Variants in SH3BGRL2 observed in about 807,000 individuals in gnomAD.
SH3BGRL2 encodes SH3 domain binding glutamate rich protein like 2.
In SH3BGRL2, 21 loss-of-function variants were observed where a neutral mutation model predicts 14.8. The ratio of observed to expected loss-of-function variants is 1.42; its 90% CI spans 1.01 to 2.05. The LOEUF (loss-of-function observed/expected upper bound fraction) is 2.05, where lower values mean the gene tolerates loss of function less well. SH3BGRL2 is among the 30% of genes most tolerant of loss of function. The probability of loss-of-function intolerance (pLI) is 0.00; values close to 1 mark genes in which losing one functional copy is unlikely to be tolerated. For missense variants in SH3BGRL2, 147 were observed against 130.8 expected (o/e 1.12, Z -0.61); for synonymous variants, 50 against 47.8 (o/e 1.05, Z -0.19).
the SH3BGRL2 span, among the ~76,000 whole-genome samples, chr6:79,569,131 T>C: frequency 6.6e-6 from 1 of 152,164 alleles, no homozygotes; most frequent in African/African-American, 2.4e-5. Flanking sequence ...TATACATTGG[T>C]TCTGTCCAGA....
chr6:79,548,260 G>T, the SH3BGRL2 span, among the ~76,000 whole-genome samples: 1 of 151,902 alleles, frequency 6.6e-6, no homozygotes, highest in African/African-American at 2.4e-5. Flanking sequence ...TTTATAGTAG[G>T]TTTATATTTC....
chr6:79,598,552 G>C, the SH3BGRL2 span, among the ~76,000 whole-genome samples: 18 of 152,218 alleles, frequency 1.2e-4, no homozygotes, highest in African/African-American at 3.6e-4. Flanking sequence ...AATGTCCACA[G>C]TAAGTAATCT....
At chr6:79,549,327 A>G in the SH3BGRL2 span, among the ~76,000 whole-genome samples, 1 of 152,232 alleles carries the variant, frequency 6.6e-6, no homozygotes, top group Non-Finnish European at 1.5e-5. Flanking sequence ...GAGAAATTCC[A>G]AGTTCAGAGG....
chr6:79,687,371 G>A (rs956688400), intron 2 of SH3BGRL2, among the ~76,000 whole-genome samples: 3 of 152,058 alleles, frequency 2.0e-5, no homozygotes, highest in Non-Finnish European at 4.4e-5. Flanking sequence ...ATTGGCTCTT[G>A]GGTAAGAGGG....
At chr6:79,604,622 C>G in the SH3BGRL2 span, among the ~76,000 whole-genome samples, 1 of 152,144 alleles carries the variant, frequency 6.6e-6, no homozygotes, top group Non-Finnish European at 1.5e-5. Context: ...CTTCAGGGCC[C>G]CAGTTGTGCA....
the SH3BGRL2 span, among the ~76,000 whole-genome samples, chr6:79,603,353 ATTGTTT>A: frequency 6.6e-6 from 1 of 152,138 alleles, no homozygotes; most frequent in Non-Finnish European, 1.5e-5. Context: ...TCAAGAGGCT[ATTGTTT>A]TTATTTGATT....
intron 2 of SH3BGRL2, among the ~76,000 whole-genome samples, chr6:79,687,120 A>G (rs2127737266): frequency 6.6e-6 from 1 of 152,222 alleles, no homozygotes; most frequent in Non-Finnish European, 1.5e-5. Flanking sequence ...GCCATTACAA[A>G]TGTACTTCTT....
chr6:79,572,341 C>T, the SH3BGRL2 span, among the ~76,000 whole-genome samples: 1 of 152,180 alleles, frequency 6.6e-6, no homozygotes, highest in African/African-American at 2.4e-5. Flanking sequence ...TATTTACAGT[C>T]TCACAAATAT....
chr6:79,623,626 A>T, the SH3BGRL2 span, among the ~76,000 whole-genome samples: 1 of 152,232 alleles, frequency 6.6e-6, no homozygotes, highest in Non-Finnish European at 1.5e-5. Flanking sequence ...AACTGAGGAA[A>T]AGAAGTGGTA....
At chr6:79,694,833 C>T (rs922395414) in intron 2 of SH3BGRL2, among the ~76,000 whole-genome samples, 2 of 152,170 alleles carry the variant, frequency 1.3e-5, no homozygotes, top group African/African-American at 2.4e-5. Context: ...GCCGTCAGCT[C>T]GGCTGCCACC....
intron 1 of SH3BGRL2, among the ~76,000 whole-genome samples, chr6:79,651,330 C>T (rs1769290075): frequency 6.6e-6 from 1 of 152,172 alleles, no homozygotes; most frequent in Non-Finnish European, 1.5e-5. Flanking sequence ...ATATAATTTT[C>T]AGAGAGAATC....
At chr6:79,646,600 T>G (rs1024228354) in intron 1 of SH3BGRL2, among the ~76,000 whole-genome samples, 1 of 152,252 alleles carries the variant, frequency 6.6e-6, no homozygotes, top group Non-Finnish European at 1.5e-5. Flanking sequence ...TGTCCCAATG[T>G]GTTTTTGTGT....
At chr6:79,671,573 G>A (rs1489436328) in intron 1 of SH3BGRL2, among the ~76,000 whole-genome samples, 1 of 152,200 alleles carries the variant, frequency 6.6e-6, no homozygotes, top group Non-Finnish European at 1.5e-5. Context: ...TTTCATTTCA[G>A]AAGAGTTGAA....
chr6:79,563,167 CG>C, the SH3BGRL2 span, among the ~76,000 whole-genome samples: 6 of 150,150 alleles, frequency 4.0e-5, no homozygotes, highest in African/African-American at 1.2e-4. Flanking sequence ...TTAGTAGAGA[CG>C]GGGTTTCACA....
the SH3BGRL2 span, among the ~76,000 whole-genome samples, chr6:79,546,543 T>C: frequency 1.4e-3 from 214 of 152,232 alleles, 1 homozygote; most frequent in Admixed American, 3.4e-3. Context: ...GAAGAAACCA[T>C]ATTTGGCTTC....
At chr6:79,663,283 C>T (rs202178747) in intron 1 of SH3BGRL2, among the ~76,000 whole-genome samples, 1 of 152,146 alleles carries the variant, frequency 6.6e-6, no homozygotes, top group South Asian at 2.1e-4. Flanking sequence ...CTTTGTGGTT[C>T]TATCTACCTT....
At chr6:79,614,780 G>A in the SH3BGRL2 span, among the ~76,000 whole-genome samples, 3 of 152,070 alleles carry the variant, frequency 2.0e-5, no homozygotes, top group South Asian at 2.1e-4. Context: ...TGTGGGTCAC[G>A]GAGGCCAGTG....
the SH3BGRL2 span, among the ~76,000 whole-genome samples, chr6:79,612,003 C>T: frequency 6.6e-6 from 1 of 152,238 alleles, no homozygotes; most frequent in East Asian, 1.9e-4. Flanking sequence ...TGGACCCAGA[C>T]TTTTAAAACT....
At chr6:79,593,174 C>A in the SH3BGRL2 span, among the ~76,000 whole-genome samples, 5 of 152,144 alleles carry the variant, frequency 3.3e-5, no homozygotes, top group African/African-American at 1.2e-4. Flanking sequence ...AATTTTTAAA[C>A]AACTGTATAC....
Sources: gnomAD v4.1 joint callset for allele counts (sites outside exome capture counted in the v4.1 genomes callset) on GRCh38, gnomAD v4.1.1 for gene constraint, MANE v1.5 for transcripts, NCBI Gene and HGNC (gene_info 2026-07-23, HGNC 2026-07-21) for gene names.